The following FHIP2A variants were observed in gnomAD, a reference collection of about 807,000 sequenced individuals.
FHIP2A encodes the protein FHF complex subunit HOOK interacting protein 2A.
FHIP2A carries 46 observed loss-of-function variants against 93.5 expected under a neutral mutation model. The ratio of observed to expected loss-of-function variants is 0.49; its 90% CI spans 0.39 to 0.63. FHIP2A has a LOEUF of 0.63. Ranked by LOEUF, FHIP2A falls within the 20% of genes least tolerant of loss-of-function variation. The pLI is 0.00. For missense variants in FHIP2A, 769 were observed against 909.7 expected (o/e 0.85, Z 1.99); for synonymous variants, 332 against 326.5 (o/e 1.02, Z -0.18).
chr10:114,873,952 A>G (rs76499390), intron 16 of FHIP2A, among the ~76,000 whole-genome samples: 28 of 42,210 alleles, frequency 6.6e-4, no homozygotes, highest in East Asian at 1.1e-3. Context: ...CAGGAGGGGG[A>G]AAAAAAAAAA....
In FHIP2A at chr10:114,846,663, A is replaced by T. The variant is rs374139357; in HGVS notation, c.1503A>T (p.Thr501=). Residue 501 remains threonine (T), a synonymous_variant, in exon 11 of 17, where the codon ACA becomes ACT. Coordinates refer to ENST00000369248, the MANE Select transcript of FHIP2A (RefSeq NM_020940.4). Reference sequence around the variant, plus strand: ...GAAATCTTGAAGAAAGAAATTATACAGAATATAAACCTTTGTGCCCAGAAG... The same window carrying T: ...GAAATCTTGAAGAAAGAAATTATACTGAATATAAACCTTTGTGCCCAGAAG... The part of the protein sequence containing the change: ...VLRNLEERNY[T]EYKPLCPEDK... The T allele has an allele frequency of 2.9e-5, 47 of 1,612,372 alleles. No individual in the cohort carries two copies. The highest frequency in any genetic ancestry group is 1.3e-4 in the Admixed American group (8 of 59,768).
chr10:114,855,361 A>T, intron 14 of FHIP2A, 21 bp downstream of exon 14: 1 of 1,592,256 alleles, frequency 6.3e-7, no homozygotes, highest in Non-Finnish European at 8.6e-7. Context: ...TTAAAATACT[A>T]ATTTTCATAT....
At chr10:114,855,616 G>T (rs918032270) in intron 14 of FHIP2A, among the ~76,000 whole-genome samples, 1 of 152,220 alleles carries the variant, frequency 6.6e-6, no homozygotes, top group Admixed American at 6.5e-5. Flanking sequence ...GAGATGATTA[G>T]GACTGCTTTT....
chr10:114,830,549 G>A (rs1019075205), intron 1 of FHIP2A, among the ~76,000 whole-genome samples: 1 of 151,872 alleles, frequency 6.6e-6, no homozygotes, highest in Non-Finnish European at 1.5e-5. Flanking sequence ...TGGGATTAGG[G>A]GTGTGAGCCA....
intron 12 of FHIP2A, among the ~76,000 whole-genome samples, chr10:114,848,321 G>A (rs1182444744): frequency 6.6e-6 from 1 of 152,042 alleles, no homozygotes; most frequent in East Asian, 1.9e-4. Flanking sequence ...TCATTATACA[G>A]CAATCTGAAG....
Position 114,899,449 on chromosome 10 carries a change from G to A in FHIP2A, c.2193-41G>A, listed in dbSNP as rs564599510. On this transcript the variant is annotated intron_variant, in intron 16 of 16. Transcript: ENST00000369250. The stretch of plus-strand genomic sequence containing the variant: ...CAGGCTACATCCTCAGGGATCAGCC[G>A]TCTTACCTTCATTTCCTGATCTTCT... 56 of 718,388 alleles carry A rather than the reference G, an allele frequency of 7.8e-5. 2 individuals are homozygous for A. The highest frequency in any genetic ancestry group is 7.4e-4 in the South Asian group (50 of 67,564). 44.5% of individuals were successfully genotyped at this position (718,388 alleles called of 1,614,324 possible). A position where few individuals can be genotyped will look rare whatever the true frequency, so the allele number is the denominator to read the frequency against.
chr10:114,855,882 C>T (rs1173446915), intron 14 of FHIP2A, among the ~76,000 whole-genome samples: 2 of 152,158 alleles, frequency 1.3e-5, no homozygotes. Flanking sequence ...TGATAAGTTG[C>T]TATGTACATC....
In FHIP2A at chr10:114,862,894, G is replaced by C. The variant is rs534604533; in HGVS notation, c.*1354G>C. ...AGGGAACTGTCACTACCCCCTCTAG[G>C]AAGTTATTTTATGTAGCATGTTTGC... On this transcript the variant is annotated 3_prime_UTR_variant, in exon 17 of 17. Coordinates refer to ENST00000369248, the MANE Select transcript of FHIP2A (RefSeq NM_020940.4). 1 of 985,428 alleles carries C rather than the reference G, an allele frequency of 1.0e-6. No individual in the cohort carries two copies. Among genetic ancestry groups the C allele is most frequent in the Admixed American group, 6.1e-5 (1 of 16,284 alleles). 61.0% of individuals were successfully genotyped at this position (985,428 alleles called of 1,614,324 possible). A position where few individuals can be genotyped will look rare whatever the true frequency, so the allele number is the denominator to read the frequency against.
chr10:114,835,193 A>G (rs1302270156), intron 3 of FHIP2A, among the ~76,000 whole-genome samples: 2 of 152,158 alleles, frequency 1.3e-5, no homozygotes, highest in Non-Finnish European at 2.9e-5. Flanking sequence ...GTTAACTATT[A>G]CAGTTTCATG....
intron 16 of FHIP2A, among the ~76,000 whole-genome samples, chr10:114,874,902 C>A (rs1388198991): frequency 6.6e-6 from 1 of 152,212 alleles, no homozygotes; most frequent in Admixed American, 6.5e-5. Flanking sequence ...TTTCTCCTTT[C>A]TTCTGACAGA....
At chr10:114,837,957 A>T (rs74158075) in intron 5 of FHIP2A, among the ~76,000 whole-genome samples, 1 of 152,194 alleles carries the variant, frequency 6.6e-6, no homozygotes. Flanking sequence ...ACAATTGTTA[A>T]TGAAACCACT....
At chr10:114,892,400 G>A (rs552849889) in intron 16 of FHIP2A, among the ~76,000 whole-genome samples, 2 of 152,278 alleles carry the variant, frequency 1.3e-5, no homozygotes, top group East Asian at 3.9e-4. Flanking sequence ...TAATCCCAGT[G>A]TTCGAGGTGG....
chr10:114,840,295 G>A (rs1438910695), intron 5 of FHIP2A, among the ~76,000 whole-genome samples: 1 of 152,216 alleles, frequency 6.6e-6, no homozygotes, highest in East Asian at 1.9e-4. Flanking sequence ...GAATGAAGAT[G>A]TAAAAGTTTG....
chr10:114,839,163 T>G (rs1393469136), intron 5 of FHIP2A, among the ~76,000 whole-genome samples: 1 of 152,114 alleles, frequency 6.6e-6, no homozygotes, highest in African/African-American at 2.4e-5. Context: ...AGTCTGACTG[T>G]GTCACCCAGG....
intron 14 of FHIP2A, 113 bp from the exon 15 acceptor site, chr10:114,860,636 G>A (rs890570323): frequency 9.3e-6 from 8 of 859,516 alleles, no homozygotes; most frequent in African/African-American, 8.3e-5. Flanking sequence ...ACAGGTGTGA[G>A]CCACTGGGCC....
intron 16 of FHIP2A, among the ~76,000 whole-genome samples, chr10:114,877,178 A>G (rs1403012040): frequency 6.6e-6 from 1 of 152,164 alleles, no homozygotes; most frequent in Admixed American, 6.5e-5. Flanking sequence ...TCTTAGAGGA[A>G]CAATCAATGG....
chr10:114,867,304 C>T (rs1202582739), downstream of FHIP2A, among the ~76,000 whole-genome samples: 1 of 151,902 alleles, frequency 6.6e-6, no homozygotes, highest in Non-Finnish European at 1.5e-5. Flanking sequence ...TGTGGCCTTT[C>T]ACTTCATTCT....
Position 114,843,789 on chromosome 10 carries a change from A to T in FHIP2A, c.865A>T (p.Ser289Cys), listed in dbSNP as rs753688880. 2.5e-6 allele frequency: 4 copies of T among 1,585,296 alleles called. No individual in the cohort carries two copies. In the Admixed American group the frequency reaches 7.9e-5, roughly 31 times the overall value. ...KACEGLMLLVSLPEPAAAKCL... is the reference protein window; with the variant it reads ...KACEGLMLLVCLPEPAAAKCL... The stretch of plus-strand genomic sequence containing the variant: ...ATGTGAAGGCTTGATGCTGTTAGTA[A>T]GTTTGCCAGAGCCTGCGGCTGCAAA... Residue 289 changes from serine to cysteine, a missense_variant, in exon 7 of 17, where the codon AGT becomes TGT. Transcript: ENST00000369248.
intron 2 of FHIP2A, among the ~76,000 whole-genome samples, chr10:114,832,737 T>C (rs1431317494): frequency 1.4e-5 from 2 of 144,006 alleles, no homozygotes; most frequent in Admixed American, 1.4e-4. Flanking sequence ...TTTGAGATGG[T>C]GTCCCTCTCT....
Sources: allele counts gnomAD v4.1 joint callset (sites outside exome capture counted in the v4.1 genomes callset), GRCh38; gene constraint gnomAD v4.1.1; transcripts MANE v1.5; gene names NCBI Gene and HGNC (gene_info 2026-07-23, HGNC 2026-07-21).